Variants in KIAA1328 observed in about 807,000 individuals in gnomAD.
KIAA1328 encodes KIAA1328.
Under a neutral mutation model 68.1 loss-of-function variants are expected in KIAA1328, and 52 were observed. The ratio of observed to expected loss-of-function variants is 0.76; its 90% CI spans 0.61 to 0.96. KIAA1328 has a LOEUF of 0.96. Ranked by LOEUF, KIAA1328 falls within the 40% of genes least tolerant of loss-of-function variation. KIAA1328 has a pLI of 0.00. For missense variants in KIAA1328, 641 were observed against 677.6 expected, an observed-to-expected ratio of 0.95 and a Z score of 0.60; for synonymous variants, 232 against 239.4, an observed-to-expected ratio of 0.97 and a Z score of 0.28.
intron 5 of KIAA1328, among the ~76,000 whole-genome samples, chr18:36,938,454 C>G (rs1399847155): frequency 6.6e-6 from 1 of 152,002 alleles, no homozygotes; most frequent in Non-Finnish European, 1.5e-5. Context: ...GAGTTGTTTG[C>G]TTGCTATTGA....
rs946430743 is a variant in KIAA1328 at position 37,224,794 on chromosome 18, C to T, written c.*2567C>T. Reference sequence around the variant, plus strand: ...AGCAAGACTGGACACATGCCGAGGGCGTTGCGGATAGTGCCTCACCATTGC... The same window carrying T: ...AGCAAGACTGGACACATGCCGAGGGTGTTGCGGATAGTGCCTCACCATTGC... On this transcript the variant is annotated 3_prime_UTR_variant, in exon 10 of 10. Transcript: ENST00000280020. The T allele has an allele frequency of 5.2e-5, 51 of 985,216 alleles. No homozygotes were observed. Among genetic ancestry groups the T allele is most frequent in the Admixed American group, 1.2e-4 (2 of 16,252 alleles). The allele number at this position is 985,216 out of a possible 1,614,324, so 61.0% of individuals were successfully genotyped here.
chr18:37,216,343 A>G (rs2060432622), intron 9 of KIAA1328, among the ~76,000 whole-genome samples: 1 of 151,606 alleles, frequency 6.6e-6, no homozygotes, highest in Admixed American at 6.6e-5. Flanking sequence ...CTGGTACGTC[A>G]TGTCTTTGTT....
chr18:36,833,582 G>A (rs1003326409), intron 1 of KIAA1328, among the ~76,000 whole-genome samples: 1 of 152,166 alleles, frequency 6.6e-6, no homozygotes, highest in Non-Finnish European at 1.5e-5. Flanking sequence ...TAACCACTGT[G>A]TGAAAAAATA....
chr18:37,186,942 G>T (rs971586628), intron 9 of KIAA1328, among the ~76,000 whole-genome samples: 4 of 152,206 alleles, frequency 2.6e-5, no homozygotes, highest in African/African-American at 9.6e-5. Context: ...GGGAGGCCAA[G>T]GTTGGCGGAT....
chr18:36,831,283 C>A (rs1221648156), intron 1 of KIAA1328, among the ~76,000 whole-genome samples: 1 of 152,084 alleles, frequency 6.6e-6, no homozygotes, highest in African/African-American at 2.4e-5. Flanking sequence ...GAGGACAGAT[C>A]ATCTGTGACT....
intron 7 of KIAA1328, among the ~76,000 whole-genome samples, chr18:37,114,017 T>C (rs1438864901): frequency 1.3e-5 from 2 of 152,150 alleles, no homozygotes; most frequent in African/African-American, 4.8e-5. Context: ...AGCAAGTCCT[T>C]AGAGACCTAC....
At chr18:36,973,389 G>A (rs943414659) in intron 6 of KIAA1328, among the ~76,000 whole-genome samples, 1 of 151,842 alleles carries the variant, frequency 6.6e-6, no homozygotes, top group African/African-American at 2.4e-5. Flanking sequence ...CGAGTTAACG[G>A]GTGCAGCACA....
intron 6 of KIAA1328, among the ~76,000 whole-genome samples, chr18:37,044,004 C>A (rs1274889750): frequency 6.6e-6 from 1 of 152,108 alleles, no homozygotes; most frequent in Non-Finnish European, 1.5e-5. Flanking sequence ...GAGGAAAGTA[C>A]CATATTTTAA....
At chr18:37,054,381 A>G (rs536508194) in intron 6 of KIAA1328, among the ~76,000 whole-genome samples, 1 of 152,334 alleles carries the variant, frequency 6.6e-6, no homozygotes, top group South Asian at 2.1e-4. Flanking sequence ...TTGCAGCACT[A>G]TTCACAATAG....
chr18:37,152,931 A>G (rs890590281), intron 7 of KIAA1328, among the ~76,000 whole-genome samples: 2 of 152,122 alleles, frequency 1.3e-5, no homozygotes, highest in African/African-American at 4.8e-5. Flanking sequence ...AGCTGTGCCA[A>G]TAGGAAAAGG....
At chr18:37,191,799 A>G (rs1426827476) in intron 9 of KIAA1328, among the ~76,000 whole-genome samples, 1 of 151,990 alleles carries the variant, frequency 6.6e-6, no homozygotes, top group Non-Finnish European at 1.5e-5. Flanking sequence ...CTGACCATCT[A>G]TTTAAATAAT....
At chr18:37,204,267 T>C (rs2060174139) in intron 9 of KIAA1328, among the ~76,000 whole-genome samples, 1 of 152,234 alleles carries the variant, frequency 6.6e-6, no homozygotes, top group Non-Finnish European at 1.5e-5. Flanking sequence ...GTTTGAATTA[T>C]ATTTAATACT....
chr18:36,986,107 G>T (rs2052912487), intron 6 of KIAA1328, among the ~76,000 whole-genome samples: 1 of 151,330 alleles, frequency 6.6e-6, no homozygotes, highest in African/African-American at 2.4e-5. Context: ...ATTATGCTAG[G>T]TATTTACTCA....
intron 5 of KIAA1328, among the ~76,000 whole-genome samples, chr18:36,921,702 C>A (rs1434297643): frequency 6.6e-6 from 1 of 152,134 alleles, no homozygotes. Context: ...CTGTGCCCGG[C>A]CTTTTCTTTA....
chr18:37,015,391 G>T lies in KIAA1328; in HGVS notation c.577-51499G>T, dbSNP rs150264381. On this transcript the variant is annotated intron_variant, in intron 6 of 9. Coordinates refer to ENST00000280020, the MANE Select transcript of KIAA1328 (RefSeq NM_020776.3). ...TTTGTACCAGTACCGTGCTGTTTTG[G>T]TTACTATATCCTTGTAGTATAGTTT... 2.9e-3 allele frequency among the ~76,000 whole-genome samples: 448 copies of T among 152,188 alleles called. 3 individuals are homozygous for T. Among genetic ancestry groups the T allele is most frequent in the African/African-American group, 0.01 (432 of 41,522 alleles).
At chr18:37,103,021 G>T (rs981437129) in intron 7 of KIAA1328, among the ~76,000 whole-genome samples, 9 of 152,134 alleles carry the variant, frequency 5.9e-5, no homozygotes, top group African/African-American at 2.2e-4. Flanking sequence ...CAAGCAAGCT[G>T]AAAGAAATTG....
chr18:36,844,157 A>G (rs1229872739), intron 3 of KIAA1328, 51 bp from the exon 4 acceptor site: 15 of 1,259,088 alleles, frequency 1.2e-5, no homozygotes, highest in Non-Finnish European at 1.7e-5. Context: ...TCTTGAAAAG[A>G]CTTTAAAAAT....
chr18:37,137,888 G>T lies in KIAA1328; in HGVS notation c.1233-22312G>T, dbSNP rs566076123. ...GAGGTCCAAACCTGTCCTTATAACT[G>T]TGTGATAATATAACTAGCCCAAGTG... On this transcript the variant is annotated intron_variant, in intron 7 of 9. Transcript: ENST00000280020. Among the ~76,000 whole-genome samples the T allele has an allele frequency of 2.6e-5, 4 of 152,072 alleles. No homozygotes were observed. The East Asian group carries it at 7.7e-4, about 29-fold the overall frequency.
At chr18:36,862,945 T>G (rs2047615005) in intron 4 of KIAA1328, among the ~76,000 whole-genome samples, 1 of 152,194 alleles carries the variant, frequency 6.6e-6, no homozygotes, top group African/African-American at 2.4e-5. Context: ...GCTTATTATT[T>G]CCATCTGTAT....
Sources: allele counts gnomAD v4.1 joint callset (sites outside exome capture counted in the v4.1 genomes callset), GRCh38; gene constraint gnomAD v4.1.1; transcripts MANE v1.5; gene names NCBI Gene and HGNC (gene_info 2026-07-23, HGNC 2026-07-21).